Variants in POLR1B observed in about 807,000 individuals in gnomAD.
POLR1B encodes DNA-directed RNA polymerase I subunit RPA2.
POLR1B carries 30 observed loss-of-function variants against 105.8 expected under a neutral mutation model. The ratio of observed to expected loss-of-function variants is 0.28; its 90% CI spans 0.21 to 0.38. POLR1B has a LOEUF of 0.38. POLR1B is among the 10% of genes least tolerant of loss of function. The probability of loss-of-function intolerance (pLI) is 1.00; values close to 1 mark genes in which losing one functional copy is unlikely to be tolerated. For synonymous variants in POLR1B, 485 were observed against 505.1 expected (o/e 0.96, Z 0.53); for missense variants, 976 against 1,435.8 (o/e 0.68, Z 5.17).
chr2:112,549,495 G>GT (rs1683248621), intron 4 of POLR1B, 96 bp downstream of exon 4: 31 of 830,912 alleles, frequency 3.7e-5, no homozygotes, highest in Admixed American at 8.9e-5. Flanking sequence ...TGATATTTTT[G>GT]TTTCTTTTTT....
rs1436667164 is a variant in POLR1B, at chr2:112,578,838, T to G, written c.*3109T>G. Among the ~76,000 whole-genome samples, 7 of 152,220 alleles carry G rather than the reference T, an allele frequency of 4.6e-5. No individual in the cohort carries two copies. The highest frequency in any genetic ancestry group is 1.0e-4 in the Non-Finnish European group (7 of 68,046). ...CTGACAGCAATAAATAGAACAATTA[T>G]ACTGTAATTAAATGAATGTGGCCTC... On this transcript the variant is annotated 3_prime_UTR_variant, in exon 15 of 15. Transcript: ENST00000263331.
chr2:112,554,261 TA>T (rs1324090239), intron 7 of POLR1B, among the ~76,000 whole-genome samples: 1 of 151,970 alleles, frequency 6.6e-6, no homozygotes, highest in Non-Finnish European at 1.5e-5. Context: ...GCCTCCCGGG[TA>T]TCTAGGATTA....
At chr2:112,560,003 T>C (rs187121533) in intron 9 of POLR1B, among the ~76,000 whole-genome samples, 17 of 152,264 alleles carry the variant, frequency 1.1e-4, no homozygotes, top group African/African-American at 4.1e-4. Context: ...GTAAGAATTC[T>C]TTTTTACTCT....
intron 3 of POLR1B, among the ~76,000 whole-genome samples, chr2:112,548,417 T>C (rs1341472572): frequency 9.2e-5 from 14 of 152,248 alleles, no homozygotes; most frequent in Non-Finnish European, 4.4e-5. Flanking sequence ...TACTATAATA[T>C]GCCTGTTTCA....
intron 4 of POLR1B, 100 bp downstream of exon 4, chr2:112,549,499 C>CTTTTT (rs34591927): frequency 8.6e-6 from 5 of 579,886 alleles, no homozygotes; most frequent in African/African-American, 2.4e-5. Context: ...ATTTTTGTTT[C>CTTTTT]TTTTTTTTTT....
At chr2:112,542,145 T>C, upstream of POLR1B, 1 of 1,535,688 alleles carries the variant, frequency 6.5e-7, no homozygotes, top group South Asian at 1.2e-5. Context: ...CCTAATTGAC[T>C]GAGCCAATGA....
chr2:112,568,798 C>T lies in POLR1B; in HGVS notation c.1970C>T (p.Thr657Ile), dbSNP rs777553005. Residue 657 changes from threonine (T) to isoleucine (I), a missense_variant, in exon 12 of 15, where the codon ACA becomes ATA. Thr to Ile is a moderately conservative substitution (Grantham distance 89). Around this residue, in one of 12 missense-constraint regions of POLR1B, gnomAD observed 184 missense variants for 197.4 expected, o/e 0.93. Transcript: ENST00000263331. ...FEDEVFAGVT[T>I]HQELFPHSLL... is the part of the protein sequence containing the mutation. Reference sequence around the variant, plus strand: ...GATGAAGTTTTTGCTGGAGTTACCACACACCAGGAACTCTTTCCACACAGC... The same window carrying T: ...GATGAAGTTTTTGCTGGAGTTACCATACACCAGGAACTCTTTCCACACAGC... 7 of 1,614,120 alleles carry T rather than the reference C, an allele frequency of 4.3e-6. No individual in the cohort carries two copies. The Admixed American group carries it at 1.0e-4, about 23-fold the overall frequency.
intron 5 of POLR1B, 78 bp from the exon 6 acceptor site, chr2:112,551,697 A>T: frequency 4.1e-6 from 5 of 1,206,028 alleles, no homozygotes; most frequent in Non-Finnish European, 5.8e-6. Flanking sequence ...TAAAAAAATG[A>T]GAGAAGATAA....
Position 112,552,631 on chromosome 2 carries a change from TTC to T in POLR1B, c.987-12_987-11del. 2.6e-6 allele frequency: 4 copies of T among 1,539,232 alleles called. No individual in the cohort carries two copies. Among genetic ancestry groups the T allele is most frequent in the Non-Finnish European group, 1.7e-6 (2 of 1,145,004 alleles). Reference sequence around the variant, plus strand: ...TGAATTGTTTTAAGCTTTTTTTTTTTTCTGTTTTCACAGCCAGTGCATCTGTA... The same window carrying T: ...TGAATTGTTTTAAGCTTTTTTTTTTTTGTTTTCACAGCCAGTGCATCTGTA... On this transcript the variant is annotated splice_polypyrimidine_tract_variant and intron_variant, in intron 6 of 14. Coordinates refer to ENST00000263331, the MANE Select transcript of POLR1B (RefSeq NM_019014.6).
At chr2:112,550,528 G>A (rs1340301281) in intron 4 of POLR1B, among the ~76,000 whole-genome samples, 2 of 152,040 alleles carry the variant, frequency 1.3e-5, no homozygotes, top group Non-Finnish European at 2.9e-5. Flanking sequence ...TTTCTCCATT[G>A]GAACTATTAG....
In POLR1B at chr2:112,575,730, C is replaced by G; in HGVS notation, c.*1C>G. The G allele has an allele frequency of 6.2e-7, 1 of 1,605,412 alleles. No homozygotes were observed. Among genetic ancestry groups the G allele is most frequent in the Non-Finnish European group, 8.5e-7 (1 of 1,175,282 alleles). ...CAAAGTGAAACTGGATGTTGTTTAA[C>G]TTGATGTTGACCTTTTGGATTAAGA... On this transcript the variant is annotated 3_prime_UTR_variant, in exon 15 of 15. Transcript: ENST00000263331. The surrounding 1 kb of genome is among the most constrained non-coding windows in gnomAD (Gnocchi z 5.3).
chr2:112,545,198 G>A (rs910174546), intron 1 of POLR1B, among the ~76,000 whole-genome samples: 4 of 152,176 alleles, frequency 2.6e-5, no homozygotes, highest in South Asian at 4.1e-4. Context: ...TGTGCCTTTA[G>A]GGGAAAATAT....
At chr2:112,559,919 C>T (rs532669413) in intron 9 of POLR1B, among the ~76,000 whole-genome samples, 5 of 152,162 alleles carry the variant, frequency 3.3e-5, no homozygotes, top group Admixed American at 2.0e-4. Flanking sequence ...TGTGAGCCAC[C>T]GCGCCCGGCC....
Position 112,552,654 on chromosome 2 carries a change from C to A in POLR1B, c.996C>A (p.Ile332=). Residue 332 remains isoleucine (I), a synonymous_variant, in exon 7 of 15, where the codon ATC becomes ATA. Transcript: ENST00000263331. The stretch of plus-strand genomic sequence containing the variant: ...TTTTCTGTTTTCACAGCCAGTGCAT[C>A]TGTATCCACTTGAAATCCAATACTG... ...QAAEFLFNQC[I]CIHLKSNTEK... 6.3e-7 allele frequency: 1 copy of A among 1,579,372 alleles called. No homozygotes were observed. The highest frequency in any genetic ancestry group is 1.9e-5 in the Admixed American group (1 of 53,350).
Position 112,557,558 on chromosome 2 carries a change from T to C in POLR1B, c.1159-352T>C, listed in dbSNP as rs112362267. ...GATTACATGGGAATAAATATGAAGTTTGTGATAATTGAAACACATACTATT... is the reference window on the plus strand; with the variant it reads ...GATTACATGGGAATAAATATGAAGTCTGTGATAATTGAAACACATACTATT... On this transcript the variant is annotated intron_variant, in intron 7 of 14. Coordinates refer to ENST00000263331, the MANE Select transcript of POLR1B (RefSeq NM_019014.6). 4.8e-3 allele frequency among the ~76,000 whole-genome samples: 737 copies of C among 152,364 alleles called. 7 individuals carry two copies. Among genetic ancestry groups the C allele is most frequent in the African/African-American group, 0.016 (686 of 41,590 alleles).
rs377601012 is a variant in POLR1B, at chr2:112,562,135, C to T, written c.1613-2231C>T. ...CTTGTTTGACTTCAGCTGCGGGGAG[C>T]ATCTGCATCGGGGGACTCAAAGTTT... On this transcript the variant is annotated intron_variant, in intron 9 of 14. Transcript: ENST00000263331. Among the ~76,000 whole-genome samples the T allele has an allele frequency of 1.1e-4, 16 of 152,226 alleles. No homozygotes were observed. The East Asian group carries it at 2.7e-3, about 26-fold the overall frequency.
At chr2:112,562,729 T>C (rs1342483255) in intron 9 of POLR1B, among the ~76,000 whole-genome samples, 7 of 71,908 alleles carry the variant, frequency 9.7e-5, no homozygotes, top group Non-Finnish European at 1.9e-4. Flanking sequence ...CTTTTTTTTC[T>C]TTTTTTTTTT....
chr2:112,545,743 G>A, intron 1 of POLR1B: 1 of 247,110 alleles, frequency 4.0e-6, no homozygotes, highest in Non-Finnish European at 8.2e-6. Context: ...AGGATCAAGT[G>A]ATCCTCCCAC....
chr2:112,558,871 G>T (rs1683810206), intron 8 of POLR1B, among the ~76,000 whole-genome samples: 1 of 151,034 alleles, frequency 6.6e-6, no homozygotes, highest in South Asian at 2.1e-4. Flanking sequence ...CACCCACCTT[G>T]GCCTCCCAAA....
Sources: allele counts gnomAD v4.1 joint callset (sites outside exome capture counted in the v4.1 genomes callset), GRCh38; gene constraint gnomAD v4.1.1; regional missense constraint gnomAD v4.1.1; non-coding constraint Gnocchi (gnomAD v3.1); transcripts MANE v1.5; gene names NCBI Gene and HGNC (gene_info 2026-07-23, HGNC 2026-07-21).